ALK: variants seen among roughly 807,000 people sequenced by gnomAD.
ALK encodes ALK receptor tyrosine kinase, also known as ALK tyrosine kinase receptor.
Under a neutral mutation model 163.1 loss-of-function variants are expected in ALK, and 74 were observed. The ratio of observed to expected loss-of-function variants is 0.45; its 90% CI spans 0.38 to 0.55. ALK has a LOEUF of 0.55. ALK is among the 20% of genes least tolerant of loss of function. The pLI, the probability that ALK is intolerant of heterozygous loss-of-function variation, is 0.00. For synonymous variants in ALK, 960 were observed against 843.2 expected (o/e 1.14, Z -2.40); for missense variants, 2,063 against 2,105.3 (o/e 0.98, Z 0.39).
chr2:29,890,628 A>G (rs906648252), intron 1 of ALK: 8 of 152,206 alleles, frequency 5.3e-5, no homozygotes, highest in East Asian at 1.9e-4. Context: ...TTTTACGTAT[A>G]TTCTCTCTCC....
chr2:29,290,952 G>A (rs1666006430), intron 9 of ALK, among the ~76,000 whole-genome samples: 1 of 152,158 alleles, frequency 6.6e-6, no homozygotes, highest in Non-Finnish European at 1.5e-5. Context: ...GTGGTGGTGG[G>A]AATTGCTAGG....
At chr2:29,857,436 A>G (rs1359120927) in intron 1 of ALK, among the ~76,000 whole-genome samples, 1 of 152,174 alleles carries the variant, frequency 6.6e-6, no homozygotes, top group Non-Finnish European at 1.5e-5. Context: ...CAATGAGATG[A>G]TCCAGCTTTG....
At chr2:29,448,767 T>G (rs1483965223) in intron 4 of ALK, among the ~76,000 whole-genome samples, 2 of 152,126 alleles carry the variant, frequency 1.3e-5, no homozygotes, top group African/African-American at 2.4e-5. Flanking sequence ...ATCCTGAAAG[T>G]ACAGAGTCTC....
intron 1 of ALK, among the ~76,000 whole-genome samples, chr2:29,849,670 C>A (rs760077448): frequency 6.6e-6 from 1 of 152,208 alleles, no homozygotes; most frequent in Non-Finnish European, 1.5e-5. Flanking sequence ...ACATTTCCTG[C>A]CCTTCACAGG....
intron 4 of ALK, among the ~76,000 whole-genome samples, chr2:29,446,086 G>A (rs1256323641): frequency 5.3e-5 from 5 of 93,606 alleles, no homozygotes; most frequent in South Asian, 5.0e-4. Context: ...GCGACAGAGC[G>A]AGACTCCGTC....
chr2:29,580,616 T>C (rs2148197816), intron 3 of ALK, among the ~76,000 whole-genome samples: 1 of 152,312 alleles, frequency 6.6e-6, no homozygotes, highest in Admixed American at 6.5e-5. Context: ...TAATTTGGGA[T>C]AATAAGGAAG....
At chr2:29,763,327 T>A (rs1680765761) in intron 1 of ALK, among the ~76,000 whole-genome samples, 1 of 152,122 alleles carries the variant, frequency 6.6e-6, no homozygotes, top group South Asian at 2.1e-4. Flanking sequence ...ATAGCATTAT[T>A]ATAATCATTA....
intron 1 of ALK, among the ~76,000 whole-genome samples, chr2:29,750,887 T>C (rs1285395750): frequency 1.3e-5 from 2 of 151,838 alleles, no homozygotes; most frequent in Non-Finnish European, 2.9e-5. Flanking sequence ...CTGGCCAGCA[T>C]GGTGAAACCC....
intron 1 of ALK, among the ~76,000 whole-genome samples, chr2:29,894,980 C>G (rs1667233261): frequency 6.6e-6 from 1 of 152,156 alleles, no homozygotes; most frequent in Non-Finnish European, 1.5e-5. Flanking sequence ...CCCCATGTTT[C>G]CATCAGTGGT....
At chr2:29,280,446 A>C (rs1306371186) in intron 9 of ALK, among the ~76,000 whole-genome samples, 1 of 150,916 alleles carries the variant, frequency 6.6e-6, no homozygotes, top group Non-Finnish European at 1.5e-5. Flanking sequence ...CCGGTGGACC[A>C]CTCTGGGACC....
chr2:29,281,964 A>G (rs573231066), intron 9 of ALK, among the ~76,000 whole-genome samples: 1 of 152,350 alleles, frequency 6.6e-6, no homozygotes, highest in East Asian at 1.9e-4. Flanking sequence ...TCACTTAATG[A>G]TTTTAAGTAG....
intron 1 of ALK, among the ~76,000 whole-genome samples, chr2:29,894,851 C>A (rs1387562619): frequency 6.0e-5 from 2 of 33,492 alleles, no homozygotes; most frequent in African/African-American, 1.2e-4. Context: ...CACACACACA[C>A]AAACACACAC....
At chr2:29,739,557 C>CA (rs111281224) in intron 1 of ALK, among the ~76,000 whole-genome samples, 1,513 of 71,626 alleles carry the variant, frequency 0.021, 29 homozygotes, top group African/African-American at 0.044. Context: ...GAATCTGTCT[C>CA]AAAAAAAAAA....
chr2:29,878,557 AG>A (rs1331379476), intron 1 of ALK, among the ~76,000 whole-genome samples: 3 of 152,214 alleles, frequency 2.0e-5, no homozygotes, highest in African/African-American at 7.2e-5. Flanking sequence ...GGTCCTGTTG[AG>A]GCATTTTAAA....
At position 29,209,872 on chromosome 2, in the gene ALK, A is replaced by G. The variant is rs760315884; in HGVS notation, c.3750T>C (p.Ile1250=). 1 of 1,614,066 alleles carries G rather than the reference A, an allele frequency of 6.2e-7. No individual in the cohort carries two copies. Among genetic ancestry groups the G allele is most frequent in the South Asian group, 1.1e-5 (1 of 91,084 alleles). ...AGGTCAAGAGGCAGTTTCTGGCAGC[A>G]ATGTCTCTGGGAAGAAAGGAAATGC... is the stretch of plus-strand genomic sequence containing the variant. ...LEENHFIHRD[I]AARNCLLTCP... Residue 1250 remains isoleucine, a synonymous_variant, in exon 25 of 29, where the codon ATT becomes ATC. Coordinates refer to ENST00000389048, the MANE Select transcript of ALK (RefSeq NM_004304.5).
rs61267222 is a variant in ALK, at chr2:29,232,528, C to A, written c.2488-80G>T. 612 of 1,589,434 alleles carry A rather than the reference C, an allele frequency of 3.9e-4. 2 individuals carry two copies. In the African/African-American group the frequency reaches 7.5e-3, roughly 19 times the overall value. On this transcript the variant is annotated intron_variant, in intron 14 of 28. Coordinates refer to ENST00000389048, the MANE Select transcript of ALK (RefSeq NM_004304.5). The stretch of plus-strand genomic sequence containing the variant: ...GCCCCTAAGCTCTGGTAAATTCAAC[C>A]TGACTGAGGGTTTGCTGTTTTGGGG...
intron 3 of ALK, among the ~76,000 whole-genome samples, chr2:29,565,481 T>A (rs1254920525): frequency 6.6e-6 from 1 of 152,122 alleles, no homozygotes; most frequent in Non-Finnish European, 1.5e-5. Flanking sequence ...AGAAACCAGG[T>A]ATCAAGCAGG....
intron 1 of ALK, among the ~76,000 whole-genome samples, chr2:29,732,933 A>C (rs1573591870): frequency 1.3e-5 from 2 of 151,856 alleles, no homozygotes; most frequent in South Asian, 2.1e-4. Flanking sequence ...TGAATAGACT[A>C]AGGGAGACCC....
At chr2:29,819,914 A>C (rs1408051308) in intron 1 of ALK, among the ~76,000 whole-genome samples, 2 of 152,240 alleles carry the variant, frequency 1.3e-5, no homozygotes, top group African/African-American at 2.4e-5. Flanking sequence ...GCCCCAATGC[A>C]GGTGAGGAAC....
Sources: allele counts gnomAD v4.1 joint callset (sites outside exome capture counted in the v4.1 genomes callset), GRCh38; gene constraint gnomAD v4.1.1; transcripts MANE v1.5; gene names NCBI Gene and HGNC (gene_info 2026-07-23, HGNC 2026-07-21).